The following PTPRD variants were observed in gnomAD, a reference collection of about 807,000 sequenced individuals.
The protein encoded by PTPRD is receptor-type tyrosine-protein phosphatase delta.
PTPRD carries 34 observed loss-of-function variants against 214.5 expected under a neutral mutation model. That is an observed-to-expected ratio of 0.16 (90% CI 0.12 to 0.21). The LOEUF (loss-of-function observed/expected upper bound fraction) is 0.21, where lower values mean the gene tolerates loss of function less well. Ranked by LOEUF, PTPRD falls within the 10% of genes least tolerant of loss-of-function variation. PTPRD has a pLI of 1.00. For missense variants in PTPRD, 2,545 were observed against 2,398.7 expected (o/e 1.06, Z -1.27); for synonymous variants, 1,128 against 845.7 (o/e 1.33, Z -5.79).
intron 2 of PTPRD, among the ~76,000 whole-genome samples, chr9:10,601,380 G>A (rs1048101586): frequency 2.6e-5 from 4 of 151,736 alleles, no homozygotes; most frequent in South Asian, 2.1e-4. Context: ...GCTAAATGTG[G>A]AGGCTACCAT....
intron 5 of PTPRD, among the ~76,000 whole-genome samples, chr9:9,772,333 G>T (rs12236463): frequency 0.047 from 7,075 of 152,132 alleles, 621 homozygotes; most frequent in East Asian, 0.39. Context: ...ACATTTCTGT[G>T]GTTTAAGCTA....
chr9:10,394,123 CAT>C (rs1369150079), intron 2 of PTPRD, among the ~76,000 whole-genome samples: 3 of 137,516 alleles, frequency 2.2e-5, no homozygotes, highest in Admixed American at 7.4e-5. Context: ...GATATATATA[CAT>C]ATATATCTTT....
chr9:8,902,887 A>AT (rs2098681500), intron 11 of PTPRD, among the ~76,000 whole-genome samples: 1 of 152,020 alleles, frequency 6.6e-6, no homozygotes, highest in Non-Finnish European at 1.5e-5. Context: ...TTCTGTTAAG[A>AT]TTTTTCAGAA....
chr9:9,214,423 A>G lies in PTPRD; in HGVS notation c.-202-31060T>C, dbSNP rs139010031. Among the ~76,000 whole-genome samples, 38 of 152,284 alleles carry G rather than the reference A, an allele frequency of 2.5e-4. 1 individual carries two copies. The East Asian group carries it at 5.8e-3, about 23-fold the overall frequency. ...GTTTTAGTCCACTAACTCGGAAGAC[A>G]TCATGATGGAACAGTTTCTCTTGGT... On this transcript the variant is annotated intron_variant, in intron 9 of 45. Transcript: ENST00000381196.
At chr9:8,929,946 TGTG>T (rs1396151047) in intron 11 of PTPRD, among the ~76,000 whole-genome samples, 1 of 150,238 alleles carries the variant, frequency 6.7e-6, no homozygotes, top group Non-Finnish European at 1.5e-5. Flanking sequence ...TATATATGTG[TGTG>T]TGTGTATATA....
At chr9:10,536,555 C>A (rs746225986) in intron 2 of PTPRD, among the ~76,000 whole-genome samples, 5 of 151,998 alleles carry the variant, frequency 3.3e-5, no homozygotes, top group Non-Finnish European at 7.4e-5. Flanking sequence ...GCCTAACTAC[C>A]ATCCATTACA....
At chr9:8,360,534 G>A (rs2078212005) in intron 39 of PTPRD, among the ~76,000 whole-genome samples, 1 of 152,090 alleles carries the variant, frequency 6.6e-6, no homozygotes, top group Non-Finnish European at 1.5e-5. Flanking sequence ...CCTTCTGAAT[G>A]GTCTTGATTG....
intron 3 of PTPRD, among the ~76,000 whole-genome samples, chr9:10,340,740 C>A (rs2096923324): frequency 6.6e-6 from 1 of 151,878 alleles, no homozygotes; most frequent in Admixed American, 6.6e-5. Context: ...ATGAGCAATA[C>A]TGTCAGAAGA....
At chr9:9,812,944 T>A (rs1395965588) in intron 5 of PTPRD, among the ~76,000 whole-genome samples, 1 of 152,122 alleles carries the variant, frequency 6.6e-6, no homozygotes, top group Non-Finnish European at 1.5e-5. Context: ...ATACTTGTTA[T>A]CATATTTGGT....
chr9:8,780,385 C>G (rs1349586073), intron 11 of PTPRD, among the ~76,000 whole-genome samples: 1 of 152,124 alleles, frequency 6.6e-6, no homozygotes, highest in Non-Finnish European at 1.5e-5. Flanking sequence ...CTAGGCACAG[C>G]AGACACAATA....
intron 7 of PTPRD, among the ~76,000 whole-genome samples, chr9:9,662,622 T>C (rs1465776599): frequency 1.3e-5 from 2 of 151,614 alleles, no homozygotes; most frequent in Non-Finnish European, 1.5e-5. Context: ...CTATTAATAC[T>C]TCGATAGATT....
chr9:9,869,228 T>G (rs117463938), intron 5 of PTPRD, among the ~76,000 whole-genome samples: 1 of 152,180 alleles, frequency 6.6e-6, no homozygotes, highest in Admixed American at 6.5e-5. Flanking sequence ...AATATTCATG[T>G]GATCAAATGG....
chr9:10,095,328 C>G (rs13287894), intron 3 of PTPRD, among the ~76,000 whole-genome samples: 3,051 of 151,486 alleles, frequency 0.02, 38 homozygotes, highest in African/African-American at 0.034. Context: ...ATTACTTTTT[C>G]CAGGAGTCTG....
chr9:9,298,300 AT>A (rs1953904281), intron 9 of PTPRD, among the ~76,000 whole-genome samples: 1 of 151,696 alleles, frequency 6.6e-6, no homozygotes, highest in South Asian at 2.1e-4. Flanking sequence ...AATTTTAAAC[AT>A]CCTTTGTACA....
intron 11 of PTPRD, among the ~76,000 whole-genome samples, chr9:8,986,750 G>A (rs1387422300): frequency 2.0e-5 from 3 of 152,034 alleles, no homozygotes; most frequent in Admixed American, 2.0e-4. Flanking sequence ...AGATACAAAT[G>A]TGTAAGCATT....
At chr9:8,485,171 T>A in intron 29 of PTPRD, 56 bp downstream of exon 29, 3 of 1,472,740 alleles carry the variant, frequency 2.0e-6, no homozygotes, top group Non-Finnish European at 2.8e-6. Flanking sequence ...CTTACCCAGA[T>A]AAACTGTCCC....
At chr9:10,172,332 G>C (rs183273911) in intron 3 of PTPRD, among the ~76,000 whole-genome samples, 14 of 152,064 alleles carry the variant, frequency 9.2e-5, no homozygotes, top group African/African-American at 3.1e-4. Flanking sequence ...CACCCCATAT[G>C]CAGAGATCCT....
At chr9:10,571,143 A>C (rs1189854158) in intron 2 of PTPRD, among the ~76,000 whole-genome samples, 1 of 152,112 alleles carries the variant, frequency 6.6e-6, no homozygotes, top group Non-Finnish European at 1.5e-5. Context: ...TTAAGAATAT[A>C]AACTAGTTAA....
chr9:10,370,736 C>T (rs964702874), intron 2 of PTPRD, among the ~76,000 whole-genome samples: 1 of 151,860 alleles, frequency 6.6e-6, no homozygotes, highest in Non-Finnish European at 1.5e-5. Flanking sequence ...AAAAATTCTA[C>T]CTACATGCAT....
Sources: gnomAD v4.1 joint callset for allele counts (sites outside exome capture counted in the v4.1 genomes callset) on GRCh38, gnomAD v4.1.1 for gene constraint, MANE v1.5 for transcripts, NCBI Gene and HGNC (gene_info 2026-07-23, HGNC 2026-07-21) for gene names.